The following ITPR1 variants were observed in gnomAD, a reference collection of about 807,000 sequenced individuals.
ITPR1 encodes the protein inositol 1,4,5-trisphosphate-gated calcium channel ITPR1.
ITPR1 carries 96 observed loss-of-function variants against 318.4 expected under a neutral mutation model. The observed-to-expected ratio is 0.30, with a 90% CI of 0.26 to 0.36. The LOEUF (loss-of-function observed/expected upper bound fraction) is 0.36. Ranked by LOEUF, ITPR1 falls within the 10% of genes least tolerant of loss-of-function variation. ITPR1 has a pLI of 1.00. For missense variants in ITPR1, 2,440 were observed against 3,460.2 expected, an observed-to-expected ratio of 0.71 and a Z score of 7.40; for synonymous variants, 1,312 against 1,289.9, an observed-to-expected ratio of 1.02 and a Z score of -0.37.
chr3:4,840,028 G>GTTTTT (rs1392825356), intron 61 of ITPR1, among the ~76,000 whole-genome samples: 6 of 42,188 alleles, frequency 1.4e-4, no homozygotes, highest in African/African-American at 4.0e-4. Context: ...CAGCATAGCT[G>GTTTTT]CTTTTTTTTT....
At chr3:4,815,746 G>A (rs1444229542) in intron 59 of ITPR1, among the ~76,000 whole-genome samples, 1 of 151,864 alleles carries the variant, frequency 6.6e-6, no homozygotes, top group Non-Finnish European at 1.5e-5. Flanking sequence ...AATCATTTCA[G>A]GATTATTCAT....
intron 34 of ITPR1, among the ~76,000 whole-genome samples, chr3:4,698,800 A>G (rs1469555407): frequency 6.6e-6 from 1 of 152,192 alleles, no homozygotes; most frequent in Non-Finnish European, 1.5e-5. Context: ...CATTCTTTTC[A>G]GCATAAGCAA....
Position 4,836,859 on chromosome 3 carries a change from A to G in ITPR1, c.8114A>G (p.Asn2705Ser), listed in dbSNP as rs569168027. Residue 2705 changes from asparagine (N) to serine (S), a missense_variant, in exon 61 of 62, where the codon AAC (asparagine) becomes AGC (serine). Asn to Ser is a conservative substitution (Grantham distance 46, BLOSUM62 1). Coordinates refer to ENST00000649015, the MANE Select transcript of ITPR1 (RefSeq NM_001378452.1). ...DSEGEQNELR[N>S]LQEKLESTMK... ...GAAGGAGAACAGAATGAGCTGAGAA[A>G]CCTGCAGGAGAAGCTGGAGTCCACC... 3.8e-6 allele frequency: 6 copies of G among 1,595,260 alleles called. No individual in the cohort carries two copies. In the South Asian group the frequency reaches 4.5e-5, roughly 12 times the overall value.
intron 4 of ITPR1, among the ~76,000 whole-genome samples, chr3:4,601,659 A>G (rs541247954): frequency 1.3e-5 from 2 of 152,348 alleles, no homozygotes; most frequent in South Asian, 4.1e-4. Flanking sequence ...ACAGGTTCTT[A>G]ATATGACACC....
chr3:4,803,278 T>TG (rs147912591), intron 54 of ITPR1, among the ~76,000 whole-genome samples: 74 of 152,224 alleles, frequency 4.9e-4, no homozygotes, highest in African/African-American at 1.7e-3. Context: ...TTAACAGATT[T>TG]GGGGGGGACA....
At chr3:4,645,985 A>G (rs2093447185) in intron 10 of ITPR1, 2 of 410,992 alleles carry the variant, frequency 4.9e-6, no homozygotes, top group African/African-American at 2.0e-5. Flanking sequence ...ATGGCATATC[A>G]TGGTGCTGCA....
chr3:4,721,852 T>G (rs1328145608), intron 40 of ITPR1, among the ~76,000 whole-genome samples: 1 of 152,174 alleles, frequency 6.6e-6, no homozygotes, highest in Non-Finnish European at 1.5e-5. Context: ...ATGAAGCGGA[T>G]GGATGGATGT....
In ITPR1 at chr3:4,717,451, GACACCTTCCC is replaced by G. The variant is rs534937460; in HGVS notation, c.5136+54_5136+63del. ...TCATGTCTCATGGTGGTGTTTCCGT[GACACCTTCCC>G]AGTTAGCCCTGTGATCCTTCCTCTA... is the stretch of plus-strand genomic sequence containing the variant. On this transcript the variant is annotated intron_variant, in intron 40 of 61. Transcript: ENST00000649015. The G allele has an allele frequency of 6.3e-4, 885 of 1,400,136 alleles. 7 individuals carry two copies. The African/African-American group carries it at 9.9e-3, about 16-fold the overall frequency. 86.7% of individuals were successfully genotyped at this position (1,400,136 alleles called of 1,614,324 possible).
At chr3:4,601,175 C>CTTTTTTTTTTTT (rs68165287) in intron 4 of ITPR1, among the ~76,000 whole-genome samples, 2 of 119,750 alleles carry the variant, frequency 1.7e-5, no homozygotes, top group African/African-American at 3.2e-5. Flanking sequence ...GAAAAATATT[C>CTTTTTTTTTTTT]TTTTTTTTTT....
intron 4 of ITPR1, among the ~76,000 whole-genome samples, chr3:4,588,382 A>G (rs1449215106): frequency 6.6e-6 from 1 of 151,124 alleles, no homozygotes. Flanking sequence ...GTATTTTAAT[A>G]TTACACTGGG....
intron 51 of ITPR1, among the ~76,000 whole-genome samples, chr3:4,784,274 G>C (rs1198844149): frequency 1.3e-5 from 2 of 152,162 alleles, no homozygotes; most frequent in Non-Finnish European, 2.9e-5. Context: ...AGAACAGAGG[G>C]ATGAAACAGG....
chr3:4,735,407 G>C, intron 44 of ITPR1, 53 bp downstream of exon 44: 5 of 1,472,382 alleles, frequency 3.4e-6, no homozygotes, highest in Non-Finnish European at 4.7e-6. Flanking sequence ...CAGGAGGAGA[G>C]TCTGTTCTGG....
At chr3:4,541,694 C>T (rs1302193717) in intron 4 of ITPR1, among the ~76,000 whole-genome samples, 1 of 151,788 alleles carries the variant, frequency 6.6e-6, no homozygotes, top group African/African-American at 2.4e-5. Flanking sequence ...GGCGTGATCT[C>T]GGCTCACTGC....
intron 48 of ITPR1, among the ~76,000 whole-genome samples, chr3:4,778,402 G>A (rs1219291243): frequency 6.6e-6 from 1 of 152,202 alleles, no homozygotes; most frequent in African/African-American, 2.4e-5. Flanking sequence ...CAGGGTTTTG[G>A]CTGAAAGGTT....
intron 5 of ITPR1, among the ~76,000 whole-genome samples, chr3:4,630,502 A>G (rs1298213811): frequency 6.7e-6 from 1 of 148,974 alleles, no homozygotes; most frequent in Admixed American, 6.8e-5. Flanking sequence ...TATTCCTGCA[A>G]TACACTTTTT....
At chr3:4,838,456 C>T (rs967433865) in intron 61 of ITPR1, among the ~76,000 whole-genome samples, 1 of 151,890 alleles carries the variant, frequency 6.6e-6, no homozygotes, top group African/African-American at 2.4e-5. Flanking sequence ...CTTCTTTACA[C>T]ATCCAGCAAG....
In ITPR1 at chr3:4,690,128, T is replaced by A. The variant is rs547670598; in HGVS notation, c.3829-1016T>A. Among the ~76,000 whole-genome samples, 13 of 152,114 alleles carry A rather than the reference T, an allele frequency of 8.5e-5. No homozygotes were observed. The South Asian group carries it at 2.7e-3, about 32-fold the overall frequency. ...CTTATCTCTATTAAAAATACAAATA[T>A]TAGTTGGGTATGATGGTGAGCACCT... On this transcript the variant is annotated intron_variant, in intron 31 of 61. Transcript: ENST00000649015.
At chr3:4,763,790 T>A (rs890746327) in intron 44 of ITPR1, among the ~76,000 whole-genome samples, 1 of 152,236 alleles carries the variant, frequency 6.6e-6, no homozygotes, top group Non-Finnish European at 1.5e-5. Context: ...ACCCTGACCC[T>A]AGCGGTTGAC....
At chr3:4,522,796 T>G (rs1286705533) in intron 4 of ITPR1, among the ~76,000 whole-genome samples, 1 of 152,228 alleles carries the variant, frequency 6.6e-6, no homozygotes, top group Non-Finnish European at 1.5e-5. Flanking sequence ...TCTGCCTGCA[T>G]TAGCTCAGGG....
Sources: gnomAD v4.1 joint callset for allele counts (sites outside exome capture counted in the v4.1 genomes callset) on GRCh38, gnomAD v4.1.1 for gene constraint, MANE v1.5 for transcripts, NCBI Gene and HGNC (gene_info 2026-07-23, HGNC 2026-07-21) for gene names.